Variants in PPP2R5B observed in about 807,000 individuals in gnomAD.
PPP2R5B encodes protein phosphatase 2 regulatory subunit B'beta, also known as serine/threonine-protein phosphatase 2A 56 kDa regulatory subunit beta isoform.
A neutral mutation model predicts 59.9 loss-of-function variants in PPP2R5B; 19 were observed. The observed-to-expected ratio is 0.32, with a 90% CI of 0.22 to 0.47. The LOEUF (loss-of-function observed/expected upper bound fraction) is 0.47. Among genes scored for constraint, PPP2R5B ranks in the 20% least tolerant of loss-of-function variants. The probability of loss-of-function intolerance (pLI) is 1.00; values close to 1 mark genes in which losing one functional copy is unlikely to be tolerated. For missense variants in PPP2R5B, 441 were observed against 640.2 expected (o/e 0.69, Z 3.36); for synonymous variants, 286 against 260.5 (o/e 1.10, Z -0.94).
Position 64,934,188 on chromosome 11 carries a change from G to A in PPP2R5B, c.*344G>A. ...GGCAAGGGCACTCAGCGCCTCGCCT[G>A]CCCCTGCCTTGGCCAATGCGAGGTC... is the stretch of plus-strand genomic sequence containing the variant. On this transcript the variant is annotated 3_prime_UTR_variant, in exon 14 of 14. Coordinates refer to ENST00000164133, the MANE Select transcript of PPP2R5B (RefSeq NM_006244.4). The A allele has an allele frequency of 3.5e-6, 1 of 283,184 alleles. No individual in the cohort carries two copies. The allele number at this position is 283,184 out of a possible 1,614,324, so 17.5% of individuals were successfully genotyped here.
chr11:64,927,235 G>C (rs1945177241), intron 3 of PPP2R5B, among the ~76,000 whole-genome samples: 1 of 152,194 alleles, frequency 6.6e-6, no homozygotes, highest in South Asian at 2.1e-4. Flanking sequence ...CCTGCCCGTA[G>C]ACCTCACAGC....
chr11:64,925,747 C>G lies in PPP2R5B; in HGVS notation c.13C>G (p.Leu5Val), dbSNP rs1165886194. The G allele has an allele frequency of 1.3e-6, 2 of 1,591,656 alleles. No individual in the cohort carries two copies. The highest frequency in any genetic ancestry group is 2.2e-5 in the South Asian group (2 of 89,276). METK[L>V]PPASTPTSPS... is the part of the protein sequence containing the mutation. ...CCGCCTGACCGCCATGGAGACGAAGCTGCCCCCTGCAAGCACCCCCACTAG... is the reference window on the plus strand; with the variant it reads ...CCGCCTGACCGCCATGGAGACGAAGGTGCCCCCTGCAAGCACCCCCACTAG... Residue 5 changes from leucine (L) to valine (V), a missense_variant, in exon 2 of 14, where the codon CTG becomes GTG. Around this residue, in one of 3 missense-constraint regions of PPP2R5B, gnomAD observed 103 missense variants for 87.9 expected, o/e 1.17. Coordinates refer to ENST00000164133, the MANE Select transcript of PPP2R5B (RefSeq NM_006244.4). The surrounding 1 kb of genome is among the most constrained non-coding windows in gnomAD (Gnocchi z 4.6).
chr11:64,926,845 G>A lies in PPP2R5B; in HGVS notation c.333G>A (p.Val111=). The part of the protein sequence containing the change: ...EVKRAALNEL[V]ECVGSTRGVL... ...AGCGGGCAGCCCTCAACGAGCTGGT[G>A]GAGTGTGTGGGGAGCACCCGGGGTG... Residue 111 remains valine, a synonymous_variant, in exon 3 of 14, where the codon GTG becomes GTA. Transcript: ENST00000164133. 2 of 1,614,218 alleles carry A rather than the reference G, an allele frequency of 1.2e-6. No homozygotes were observed. The highest frequency in any genetic ancestry group is 1.7e-6 in the Non-Finnish European group (2 of 1,180,024).
rs1945087094 is a variant in PPP2R5B at position 64,919,157 on chromosome 11, A to T, written c.-265+1517A>T. Among the ~76,000 whole-genome samples the T allele has an allele frequency of 2.6e-5, 4 of 152,174 alleles. No individual in the cohort carries two copies. The South Asian group carries it at 8.3e-4, about 32-fold the overall frequency. ...AAATCGAGACCACCCTGGCTAACACAGTGAAACCCCATCTCTACTAAAAAA... is the reference window on the plus strand; with the variant it reads ...AAATCGAGACCACCCTGGCTAACACTGTGAAACCCCATCTCTACTAAAAAA... On this transcript the variant is annotated intron_variant, in intron 1 of 4. Transcript: ENST00000526559.
chr11:64,926,992 G>A (rs948452029), intron 3 of PPP2R5B, 84 bp downstream of exon 3: 54 of 1,478,716 alleles, frequency 3.7e-5, no homozygotes, highest in Middle Eastern at 2.3e-4. Context: ...CCTGCGTGGA[G>A]AATAACCCTG....
Position 64,928,057 on chromosome 11 carries a change from C to T in PPP2R5B, c.499-9C>T. 1 of 1,613,882 alleles carries T rather than the reference C, an allele frequency of 6.2e-7. No homozygotes were observed. The highest frequency in any genetic ancestry group is 8.5e-7 in the Non-Finnish European group (1 of 1,179,758). On this transcript the variant is annotated splice_polypyrimidine_tract_variant and intron_variant, in intron 4 of 13. Transcript: ENST00000164133. ...TGAACTCACCTTTTTGTCTGTCCCC[C>T]TCCCCCAGCTGGTATATGAGTTTTT... is the stretch of plus-strand genomic sequence containing the variant.
intron 7 of PPP2R5B, 45 bp from the exon 8 acceptor site, chr11:64,930,436 G>A (rs1375696341): frequency 6.2e-7 from 1 of 1,613,362 alleles, no homozygotes; most frequent in Non-Finnish European, 8.5e-7. Context: ...AGGGACTGGG[G>A]CCAGGTCACC....
rs1171005468 is a variant in PPP2R5B, at chr11:64,925,618, C to G, written c.-117C>G. The G allele has an allele frequency of 9.1e-6, 5 of 551,976 alleles. No individual in the cohort carries two copies. The highest frequency in any genetic ancestry group is 3.6e-5 in the East Asian group (1 of 27,624). 34.2% of individuals were successfully genotyped at this position (551,976 alleles called of 1,614,324 possible). On this transcript the variant is annotated 5_prime_UTR_variant, in exon 2 of 14. Transcript: ENST00000164133. The surrounding 1 kb of genome is among the most constrained non-coding windows in gnomAD (Gnocchi z 4.6). ...GGGGCCCAGGACTGTGGTTGTGCCC[C>G]CCCCCCAAAGGCCGGACAGGATGGG...
At position 64,925,322 on chromosome 11, in the gene PPP2R5B, G is replaced by A; in HGVS notation, c.-264-149G>A. 1 of 169,408 alleles carries A rather than the reference G, an allele frequency of 5.9e-6. No individual in the cohort carries two copies. Among genetic ancestry groups the A allele is most frequent in the Non-Finnish European group, 1.3e-5 (1 of 77,788 alleles). 10.5% of individuals were successfully genotyped at this position (169,408 alleles called of 1,614,324 possible). A position where few individuals can be genotyped will look rare whatever the true frequency, so the allele number is the denominator to read the frequency against. ...AGGGAGGGACATGTCCAGGATGGGA[G>A]GGGGCTGCACCCCTATTTTAGGGTC... On this transcript the variant is annotated intron_variant, in intron 1 of 13. Transcript: ENST00000164133. The surrounding 1 kb of genome is among the most constrained non-coding windows in gnomAD (Gnocchi z 4.6).
intron 3 of PPP2R5B, among the ~76,000 whole-genome samples, chr11:64,927,233 T>C (rs1945177214): frequency 6.6e-6 from 1 of 152,198 alleles, no homozygotes; most frequent in Non-Finnish European, 1.5e-5. Flanking sequence ...TTCCTGCCCG[T>C]AGACCTCACA....
At chr11:64,928,745 G>A (rs1185281526) in intron 6 of PPP2R5B, among the ~76,000 whole-genome samples, 4 of 152,194 alleles carry the variant, frequency 2.6e-5, no homozygotes, top group Non-Finnish European at 4.4e-5. Context: ...TTAGCCGGGC[G>A]CGGTGGCGGG....
At chr11:64,917,969 G>A (rs758049476) in intron 1 of PPP2R5B, among the ~76,000 whole-genome samples, 2 of 152,160 alleles carry the variant, frequency 1.3e-5, no homozygotes, top group Non-Finnish European at 2.9e-5. Context: ...ATCAAAGAAT[G>A]GATTCTGCCT....
At position 64,933,212 on chromosome 11, in the gene PPP2R5B, G is replaced by A. The variant is rs774805248; in HGVS notation, c.1312G>A (p.Glu438Lys). 5 of 1,612,726 alleles carry A rather than the reference G, an allele frequency of 3.1e-6. No individual in the cohort carries two copies. In the African/African-American group the frequency reaches 6.7e-5, roughly 22 times the overall value. Residue 438 changes from glutamate (E) to lysine (K), a missense_variant, in exon 13 of 14, where the codon GAG becomes AAG. Physicochemically the swap from Glu to Lys is moderately conservative, Grantham distance 56. Around this residue, in one of 3 missense-constraint regions of PPP2R5B, gnomAD observed 268 missense variants for 488.1 expected, o/e 0.55. Transcript: ENST00000164133. ...GGAGATGAATGGGAAGCTGTTTGAT[G>A]AGCTCACAGCCTCCTACAAGCTGGA... ...FMEMNGKLFDELTASYKLEKQ... is the reference protein window; with the variant it reads ...FMEMNGKLFDKLTASYKLEKQ...
At chr11:64,926,622 A>G (rs1017683283) in intron 2 of PPP2R5B, 90 bp from the exon 3 acceptor site, 2 of 1,406,602 alleles carry the variant, frequency 1.4e-6, no homozygotes, top group African/African-American at 2.8e-5. Context: ...CAGCAGAGGC[A>G]GCCGTGGAGA....
Position 64,931,994 on chromosome 11 carries a change from G to A in PPP2R5B, c.1116+126G>A, listed in dbSNP as rs1945232283. The A allele has an allele frequency of 1.4e-6, 2 of 1,450,374 alleles. No homozygotes were observed. Among genetic ancestry groups the A allele is most frequent in the South Asian group, 2.7e-5 (2 of 72,904 alleles). The allele number at this position is 1,450,374 out of a possible 1,614,324, so 89.8% of individuals were successfully genotyped here. On this transcript the variant is annotated intron_variant, in intron 11 of 13. Transcript: ENST00000164133. The surrounding 1 kb of genome is among the most constrained non-coding windows in gnomAD (Gnocchi z 5.0). ...CCGGGTCTGGTAATGGGGAGATGCT[G>A]GACTTAGGGTCAGGAGACCTAGGGT... is the stretch of plus-strand genomic sequence containing the variant.
chr11:64,920,961 G>A (rs866462444), upstream of PPP2R5B, among the ~76,000 whole-genome samples: 4 of 36,832 alleles, frequency 1.1e-4, no homozygotes, highest in South Asian at 1.1e-3. Context: ...ATATATATAT[G>A]TAATTTTTTT....
chr11:64,926,544 G>A (rs1178258795), intron 2 of PPP2R5B, among the ~76,000 whole-genome samples, 168 bp from the exon 3 acceptor site: 1 of 152,260 alleles, frequency 6.6e-6, no homozygotes, highest in Non-Finnish European at 1.5e-5. Context: ...CAGGAATGGA[G>A]GAAGGGACAG....
In PPP2R5B at chr11:64,934,168, G is replaced by A. The variant is rs1198221065; in HGVS notation, c.*324G>A. ...ACCCTCTGCTCCTGGCCTTGGGCAA[G>A]GGCACTCAGCGCCTCGCCTGCCCCT... is the stretch of plus-strand genomic sequence containing the variant. On this transcript the variant is annotated 3_prime_UTR_variant, in exon 14 of 14. Transcript: ENST00000164133. 1.3e-5 allele frequency: 4 copies of A among 317,134 alleles called. No homozygotes were observed. The highest frequency in any genetic ancestry group is 1.9e-4 in the South Asian group (2 of 10,624). 19.6% of individuals were successfully genotyped at this position (317,134 alleles called of 1,614,324 possible). A position where few individuals can be genotyped will look rare whatever the true frequency, so the allele number is the denominator to read the frequency against.
At chr11:64,921,197 C>G (rs999480154), upstream of PPP2R5B, among the ~76,000 whole-genome samples, 11 of 151,960 alleles carry the variant, frequency 7.2e-5, no homozygotes, top group Non-Finnish European at 1.3e-4. Context: ...CTCAAGCAAT[C>G]CACCTGCCTC....
Sources: gnomAD v4.1 joint callset for allele counts (sites outside exome capture counted in the v4.1 genomes callset) on GRCh38, gnomAD v4.1.1 for gene constraint, gnomAD v4.1.1 regional missense constraint, Gnocchi (gnomAD v3.1) non-coding constraint, MANE v1.5 for transcripts, NCBI Gene and HGNC (gene_info 2026-07-23, HGNC 2026-07-21) for gene names.